Variants in SLC8A1 observed in about 807,000 individuals in gnomAD.
SLC8A1 encodes sodium/calcium exchanger 1.
In SLC8A1, 18 loss-of-function variants were observed where a neutral mutation model predicts 68.3. That is an observed-to-expected ratio of 0.26 (90% CI 0.18 to 0.39). SLC8A1 has a LOEUF of 0.39. Among genes scored for constraint, SLC8A1 ranks in the 10% least tolerant of loss-of-function variants. The pLI, the probability that SLC8A1 is intolerant of heterozygous loss-of-function variation, is 1.00. For missense variants in SLC8A1, 985 were observed against 1,156.7 expected (o/e 0.85, Z 2.15); for synonymous variants, 475 against 415.5 (o/e 1.14, Z -1.74).
intron 5 of SLC8A1, among the ~76,000 whole-genome samples, chr2:40,162,939 T>C (rs2148463966): frequency 6.6e-6 from 1 of 152,254 alleles, no homozygotes; most frequent in African/African-American, 2.4e-5. Flanking sequence ...TCTGAGTAAG[T>C]TCTTTAAAAT....
Position 40,384,027 on chromosome 2 carries a change from G to A in SLC8A1, c.1808+44446C>T, listed in dbSNP as rs1254184447. Among the ~76,000 whole-genome samples, 3 of 151,992 alleles carry A rather than the reference G, an allele frequency of 2.0e-5. No homozygotes were observed. In the East Asian group the frequency reaches 5.8e-4, roughly 29 times the overall value. ...TGCAATCTCAACATTTTGGGAGGTT[G>A]AAATGGGAAGATTGCTTGAGGCCAG... is the stretch of plus-strand genomic sequence containing the variant. On this transcript the variant is annotated intron_variant, in intron 2 of 7. Transcript: ENST00000406785.
intron 1 of SLC8A1, among the ~76,000 whole-genome samples, chr2:40,481,749 C>A (rs1444612482): frequency 6.6e-6 from 1 of 152,154 alleles, no homozygotes; most frequent in Non-Finnish European, 1.5e-5. Flanking sequence ...TTTTTACATG[C>A]TGAAAAGTGA....
chr2:40,115,237 A>G (rs745724859), exon 8 of SLC8A1: 3 of 1,563,586 alleles, frequency 1.9e-6, no homozygotes, highest in Admixed American at 3.8e-5. Flanking sequence ...TAAATTTACT[A>G]TATCTGATAG....
chr2:40,352,766 C>T (rs983567756), intron 2 of SLC8A1, among the ~76,000 whole-genome samples: 4 of 152,154 alleles, frequency 2.6e-5, no homozygotes, highest in African/African-American at 7.2e-5. Context: ...AAGTTGACTG[C>T]TTTCAGAAGT....
At chr2:40,194,689 A>C (rs919105887) in intron 2 of SLC8A1, among the ~76,000 whole-genome samples, 1 of 152,118 alleles carries the variant, frequency 6.6e-6, no homozygotes, top group African/African-American at 2.4e-5. Flanking sequence ...TGTGTTAAGC[A>C]GATAGGAGCA....
At chr2:40,343,803 T>G (rs879868669) in intron 2 of SLC8A1, among the ~76,000 whole-genome samples, 8 of 152,238 alleles carry the variant, frequency 5.3e-5, no homozygotes, top group Non-Finnish European at 5.9e-5. Flanking sequence ...TTCAAACTAC[T>G]GTACTTGTAA....
At chr2:40,273,993 G>A (rs913798980) in intron 2 of SLC8A1, among the ~76,000 whole-genome samples, 2 of 151,398 alleles carry the variant, frequency 1.3e-5, no homozygotes, top group Non-Finnish European at 2.9e-5. Flanking sequence ...TTTATGCAAG[G>A]GACTGTGCCC....
chr2:40,253,027 A>G (rs111206694), intron 2 of SLC8A1, among the ~76,000 whole-genome samples: 13 of 96,910 alleles, frequency 1.3e-4, no homozygotes, highest in African/African-American at 3.3e-4. Flanking sequence ...ATATATGTAT[A>G]TACATATGTA....
At chr2:40,115,683 G>A in intron 7 of SLC8A1, 54 bp from the exon 11 acceptor site, 1 of 1,559,918 alleles carries the variant, frequency 6.4e-7, no homozygotes, top group Non-Finnish European at 8.6e-7. Flanking sequence ...AGATGTCTTT[G>A]GAGTGCTGCA....
In SLC8A1 at chr2:40,419,213, G is replaced by A. The variant is rs1291765345; in HGVS notation, c.1808+9260C>T. Among the ~76,000 whole-genome samples, 8 of 152,182 alleles carry A rather than the reference G, an allele frequency of 5.3e-5. No homozygotes were observed. In the East Asian group the frequency reaches 9.6e-4, roughly 18 times the overall value. Reference sequence around the variant, plus strand: ...AGCAGGAATCAATGAATAGGGCCCAGCCCTTCTGGATTCCACCGGCTACTT... The same window carrying A: ...AGCAGGAATCAATGAATAGGGCCCAACCCTTCTGGATTCCACCGGCTACTT... On this transcript the variant is annotated intron_variant, in intron 2 of 7. Coordinates refer to ENST00000406785, the Ensembl canonical transcript of SLC8A1.
chr2:40,457,607 C>T (rs1284477934), intron 1 of SLC8A1, among the ~76,000 whole-genome samples: 1 of 152,170 alleles, frequency 6.6e-6, no homozygotes, highest in Non-Finnish European at 1.5e-5. Flanking sequence ...TGTATGCTCT[C>T]GTCTCTTTAA....
intron 2 of SLC8A1, among the ~76,000 whole-genome samples, chr2:40,308,584 A>T (rs1435896265): frequency 1.3e-5 from 2 of 152,178 alleles, no homozygotes; most frequent in East Asian, 3.8e-4. Flanking sequence ...GACTTCTGGG[A>T]ATCACCACCA....
chr2:40,188,271 T>TCTC (rs1037122645), intron 2 of SLC8A1, among the ~76,000 whole-genome samples: 1 of 151,098 alleles, frequency 6.6e-6, no homozygotes, highest in Non-Finnish European at 1.5e-5. Flanking sequence ...AAATGCAGAT[T>TCTC]CTCTAGAAAA....
chr2:40,133,705 C>G (rs571340613), intron 7 of SLC8A1, among the ~76,000 whole-genome samples: 2 of 57,352 alleles, frequency 3.5e-5, no homozygotes, highest in African/African-American at 6.2e-5. Flanking sequence ...CAAAAATCCC[C>G]CCCCCCCACC....
intron 2 of SLC8A1, among the ~76,000 whole-genome samples, chr2:40,198,691 T>C (rs1324703792): frequency 6.6e-6 from 1 of 151,902 alleles, no homozygotes; most frequent in Non-Finnish European, 1.5e-5. Flanking sequence ...TTGTTTGGAA[T>C]GCATGGTTTG....
At chr2:40,376,131 C>A (rs1045388718) in intron 2 of SLC8A1, among the ~76,000 whole-genome samples, 1 of 152,072 alleles carries the variant, frequency 6.6e-6, no homozygotes, top group East Asian at 1.9e-4. Flanking sequence ...TTTTTTCCAA[C>A]ATCTTTGTCA....
chr2:40,464,519 T>A (rs1189774160), intron 1 of SLC8A1, among the ~76,000 whole-genome samples: 2 of 152,212 alleles, frequency 1.3e-5, no homozygotes, highest in African/African-American at 4.8e-5. Flanking sequence ...AAGAATTGCT[T>A]TAAAGATTGT....
chr2:40,110,615 G>C (rs188207623), exon 8 of SLC8A1: 74 of 152,240 alleles, frequency 4.9e-4, no homozygotes, highest in African/African-American at 1.7e-3. Context: ...AAAGCTGAAT[G>C]CCAGTTGTAG....
intron 5 of SLC8A1, among the ~76,000 whole-genome samples, chr2:40,162,668 G>T (rs570073359): frequency 4.4e-4 from 67 of 152,220 alleles, no homozygotes; most frequent in African/African-American, 1.4e-3. Context: ...TGGGAAAAAT[G>T]GGAGTGAATA....
Sources: gnomAD v4.1 joint callset for allele counts (sites outside exome capture counted in the v4.1 genomes callset) on GRCh38, gnomAD v4.1.1 for gene constraint, MANE v1.5 for transcripts, NCBI Gene and HGNC (gene_info 2026-07-23, HGNC 2026-07-21) for gene names.